The following POLR3A variants were observed in gnomAD, a reference collection of about 807,000 sequenced individuals.
POLR3A encodes the protein RNA polymerase III subunit A, also known as DNA-directed RNA polymerase III subunit RPC1.
A neutral mutation model predicts 152.8 loss-of-function variants in POLR3A; 112 were observed. The observed-to-expected ratio is 0.73, with a 90% CI of 0.63 to 0.86. The LOEUF is 0.86. Ranked by LOEUF, POLR3A falls within the 40% of genes least tolerant of loss-of-function variation. The pLI is 0.00. For synonymous variants in POLR3A, 615 were observed against 652.1 expected (o/e 0.94, Z 0.87); for missense variants, 1,385 against 1,743.1 (o/e 0.79, Z 3.66).
Position 77,986,110 on chromosome 10 carries a change from C to G in POLR3A, c.2951G>C (p.Arg984Thr), listed in dbSNP as rs748909358. ...KGVSEKIKKT[R>T]DKYGINDNGT... ...GTTATCATTGATGCCATATTTATCT[C>G]TGGTTTTCTTGATCTTCTCAGAGAC... The change falls in exon 22 of 31, where the codon AGA (arginine) becomes ACA (threonine). Residue 984 changes from arginine to threonine, a missense_variant. By Grantham distance (71) the Arg-to-Thr change is moderately conservative (BLOSUM62 -1). This residue lies in a region of POLR3A where 178 missense variants were observed against 204.6 expected (regional missense o/e 0.87). Transcript: ENST00000372371. 6.2e-7 allele frequency: 1 copy of G among 1,602,446 alleles called. No homozygotes were observed. Among genetic ancestry groups the G allele is most frequent in the Non-Finnish European group, 8.6e-7 (1 of 1,169,400 alleles).
At chr10:77,977,661 T>TA (rs753289335) in intron 30 of POLR3A, 35 bp from the exon 31 acceptor site, 3 of 1,582,276 alleles carry the variant, frequency 1.9e-6, no homozygotes, top group Non-Finnish European at 2.6e-6. Context: ...AGAGAGCCTC[T>TA]AAACACAAGG....
intron 21 of POLR3A, among the ~76,000 whole-genome samples, chr10:77,989,732 C>T (rs1372992875): frequency 1.3e-5 from 2 of 152,130 alleles, no homozygotes; most frequent in East Asian, 3.8e-4. Context: ...ATGCTAAGTA[C>T]GTTACCTCGT....
chr10:77,988,532 AC>A (rs1327026069), intron 21 of POLR3A, among the ~76,000 whole-genome samples: 1 of 152,198 alleles, frequency 6.6e-6, no homozygotes, highest in Middle Eastern at 3.4e-3. Context: ...ATTCGCAAGA[AC>A]TTTAGAGTTC....
intron 10 of POLR3A, 139 bp downstream of exon 10, chr10:78,017,436 G>C: frequency 1.2e-6 from 1 of 801,384 alleles, no homozygotes; most frequent in Non-Finnish European, 2.0e-6. Flanking sequence ...GACAGAGCAA[G>C]AGCCTGTCTC....
At position 78,004,828 on chromosome 10, in the gene POLR3A, G is replaced by A. The variant is rs754959860; in HGVS notation, c.2135C>T (p.Ala712Val). Residue 712 changes from alanine (A) to valine (V), a missense_variant, in exon 16 of 31, where the codon GCC becomes GTC. Physicochemically the swap from Ala to Val is moderately conservative, Grantham distance 64. Around this residue, in one of 7 missense-constraint regions of POLR3A, gnomAD observed 170 missense variants for 231.2 expected, o/e 0.74. Coordinates refer to ENST00000372371, the MANE Select transcript of POLR3A (RefSeq NM_007055.4). Reference protein sequence around the residue: ...DVTPGQGLLKAKYELLNAGYK... With the variant: ...DVTPGQGLLKVKYELLNAGYK... The stretch of plus-strand genomic sequence containing the variant: ...GCCGGCATTCAGCAACTCATACTTG[G>A]CCTTCAGCAGTCCTTGGCCAGGTGT... 5 of 1,613,978 alleles carry A rather than the reference G, an allele frequency of 3.1e-6. No individual in the cohort carries two copies. The highest frequency in any genetic ancestry group is 4.2e-6 in the Non-Finnish European group (5 of 1,179,876).
At chr10:77,995,091 C>T (rs975016381) in intron 19 of POLR3A, among the ~76,000 whole-genome samples, 1 of 152,154 alleles carries the variant, frequency 6.6e-6, no homozygotes, top group African/African-American at 2.4e-5. Context: ...AAATAAAATA[C>T]TTTACAGACA....
rs1847669010 is a variant in POLR3A at position 78,029,378 on chromosome 10, A to G, written c.30T>C (p.Asp10=). Residue 10 remains aspartate, a synonymous_variant, in exon 1 of 31, where the codon GAT becomes GAC. Coordinates refer to ENST00000372371, the MANE Select transcript of POLR3A (RefSeq NM_007055.4). MVKEQFRET[D]VAKKISHICF... is the part of the protein sequence containing the mutation. ...CTCCGTCTTACATTTTCTTGGCCAC[A>G]TCCGTCTCCCGGAACTGCTCCTTCA... is the stretch of plus-strand genomic sequence containing the variant. The G allele has an allele frequency of 6.2e-7, 1 of 1,613,928 alleles. No homozygotes were observed. The highest frequency in any genetic ancestry group is 1.1e-5 in the South Asian group (1 of 91,084).
chr10:78,027,801 C>T (rs2131963118), intron 1 of POLR3A, among the ~76,000 whole-genome samples: 1 of 152,290 alleles, frequency 6.6e-6, no homozygotes, highest in South Asian at 2.1e-4. Flanking sequence ...TCATGATCTG[C>T]CTGCCATGGC....
intron 20 of POLR3A, among the ~76,000 whole-genome samples, chr10:77,991,574 G>C (rs971471140): frequency 3.9e-5 from 6 of 152,210 alleles, no homozygotes; most frequent in African/African-American, 1.2e-4. Flanking sequence ...CAAGGCTGGA[G>C]TGCAATGGCG....
intron 1 of POLR3A, among the ~76,000 whole-genome samples, chr10:78,028,726 C>T (rs1847660954): frequency 6.6e-6 from 1 of 152,086 alleles, no homozygotes. Flanking sequence ...TAGTCTCAAA[C>T]TCCTGAGCTC....
intron 5 of POLR3A, among the ~76,000 whole-genome samples, chr10:78,022,915 T>C (rs1363585613): frequency 1.3e-5 from 2 of 152,178 alleles, no homozygotes; most frequent in African/African-American, 4.8e-5. Flanking sequence ...CTCAGCACTT[T>C]GGAAGGCCGA....
At chr10:78,007,963 G>T in intron 14 of POLR3A, 97 bp from the exon 15 acceptor site, 3 of 751,312 alleles carry the variant, frequency 4.0e-6, no homozygotes, top group Non-Finnish European at 4.0e-6. Context: ...TTCCCATACT[G>T]ACACTTAAAG....
chr10:77,999,661 A>C (rs929395277), intron 19 of POLR3A, among the ~76,000 whole-genome samples: 3 of 152,152 alleles, frequency 2.0e-5, no homozygotes, highest in African/African-American at 7.2e-5. Context: ...AATAACCCTC[A>C]TTGTCACGTG....
At position 78,017,194 on chromosome 10, in the gene POLR3A, GA is replaced by G. The variant is rs568445416; in HGVS notation, c.1431+380del. Among the ~76,000 whole-genome samples the G allele has an allele frequency of 2.2e-4, 34 of 152,192 alleles. 1 individual carries two copies. In the South Asian group the frequency reaches 7.1e-3, roughly 32 times the overall value. On this transcript the variant is annotated intron_variant, in intron 10 of 30. Transcript: ENST00000372371. ...TATAATCCCAGAACTTTGGGAGGCT[GA>G]AGGAGGATCGCTTGAGCCCAAGAGT...
At chr10:78,020,141 T>A (rs1036989863) in intron 8 of POLR3A, 2 of 142,426 alleles carry the variant, frequency 1.4e-5, no homozygotes, top group African/African-American at 5.4e-5. Flanking sequence ...GTCACTGCAC[T>A]CTAGCCTGGG....
Position 77,982,823 on chromosome 10 carries a change from A to G in POLR3A, c.3430-6T>C. ...CTCACTGTCTCAGCGTTCACCTGCA[A>G]CATGGCCAGGTGTAGGTGTTACTGA... On this transcript the variant is annotated splice_polypyrimidine_tract_variant and splice_region_variant and intron_variant, in intron 26 of 30. Transcript: ENST00000372371. 2.5e-6 allele frequency: 4 copies of G among 1,613,014 alleles called. No individual in the cohort carries two copies. Among genetic ancestry groups the G allele is most frequent in the Non-Finnish European group, 3.4e-6 (4 of 1,179,034 alleles).
chr10:78,010,320 C>A lies in POLR3A; in HGVS notation c.1642+151G>T, dbSNP rs191224865. 4.5e-4 allele frequency: 316 copies of A among 707,768 alleles called. 2 individuals are homozygous for A. The African/African-American group carries it at 5.3e-3, about 12-fold the overall frequency. The allele number at this position is 707,768 out of a possible 1,614,324, so 43.8% of individuals were successfully genotyped here. ...AAAAAAAAAGAAAAAAAAAAACCCA[C>A]GGGGAGGTTCATGATCAAACTTAGT... On this transcript the variant is annotated intron_variant, in intron 12 of 30. Coordinates refer to ENST00000372371, the MANE Select transcript of POLR3A (RefSeq NM_007055.4).
intron 19 of POLR3A, 100 bp from the exon 20 acceptor site, chr10:77,993,467 T>C: frequency 1.2e-6 from 1 of 853,248 alleles, no homozygotes; most frequent in Non-Finnish European, 2.0e-6. Context: ...TTACAAGCAC[T>C]TTAATCACAT....
intron 27 of POLR3A, 120 bp downstream of exon 27, chr10:77,982,533 G>T: frequency 1.0e-6 from 1 of 992,812 alleles, no homozygotes. Context: ...TAACTCCTTG[G>T]GGATAAGGCC....
Sources: allele counts gnomAD v4.1 joint callset (sites outside exome capture counted in the v4.1 genomes callset), GRCh38; gene constraint gnomAD v4.1.1; regional missense constraint gnomAD v4.1.1; transcripts MANE v1.5; gene names NCBI Gene and HGNC (gene_info 2026-07-23, HGNC 2026-07-21).